MAP4: variants seen among roughly 807,000 people sequenced by gnomAD.
The protein encoded by MAP4 is microtubule-associated protein 4.
In MAP4, 76 loss-of-function variants were observed where a neutral mutation model predicts 170.2. The ratio of observed to expected loss-of-function variants is 0.45; its 90% CI spans 0.37 to 0.54. The LOEUF (loss-of-function observed/expected upper bound fraction) is 0.54, where lower values mean the gene tolerates loss of function less well. Among genes scored for constraint, MAP4 ranks in the 20% least tolerant of loss-of-function variants. MAP4 has a pLI of 0.00. For synonymous variants in MAP4, 909 were observed against 994.5 expected (o/e 0.91, Z 1.62); for missense variants, 2,506 against 2,748.0 (o/e 0.91, Z 1.97).
chr3:48,018,935 C>T (rs979042572), upstream of MAP4, among the ~76,000 whole-genome samples: 126 of 152,180 alleles, frequency 8.3e-4, no homozygotes, highest in Non-Finnish European at 2.5e-4. Context: ...AACCAGCTCT[C>T]CATGCTGGTC....
At chr3:47,947,261 G>A (rs374347710) in intron 3 of MAP4, among the ~76,000 whole-genome samples, 1 of 152,084 alleles carries the variant, frequency 6.6e-6, no homozygotes, top group East Asian at 1.9e-4. Context: ...CTGCCAGCAG[G>A]GTCAGTGGGT....
At chr3:48,030,440 A>AGT (rs2100115424) in intron 1 of MAP4, among the ~76,000 whole-genome samples, 1 of 151,302 alleles carries the variant, frequency 6.6e-6, no homozygotes, top group Non-Finnish European at 1.5e-5. Flanking sequence ...ATGAGCCTGA[A>AGT]GTACCTTGTA....
intron 1 of MAP4, among the ~76,000 whole-genome samples, chr3:47,999,244 GTTACA>G (rs1175672926): frequency 6.6e-6 from 1 of 152,122 alleles, no homozygotes; most frequent in African/African-American, 2.4e-5. Context: ...TCTTTACATA[GTTACA>G]TTACTATCGG....
chr3:47,917,923 C>T (rs529126633), intron 6 of MAP4, among the ~76,000 whole-genome samples: 3 of 152,246 alleles, frequency 2.0e-5, no homozygotes, highest in South Asian at 2.1e-4. Context: ...TCTCGGCTCC[C>T]GGGTTCAAGC....
Position 47,912,148 on chromosome 3 carries a change from G to A in MAP4, c.2273C>T (p.Ala758Val). The A allele has an allele frequency of 1.3e-6, 2 of 1,536,050 alleles. No individual in the cohort carries two copies. The highest frequency in any genetic ancestry group is 1.7e-6 in the Non-Finnish European group (2 of 1,146,894). The change falls in exon 9 of 21, where the codon GCC (alanine) becomes GTC (valine). Residue 758 changes from alanine (A) to valine (V), a missense_variant. By Grantham distance (64) the Ala-to-Val change is moderately conservative (BLOSUM62 0). Around this residue, in one of 3 missense-constraint regions of MAP4, gnomAD observed 2,008 missense variants for 2,206.0 expected, o/e 0.91. Coordinates refer to ENST00000683076, the MANE Select transcript of MAP4 (RefSeq NM_001385682.1). ...TATTGGTGTGCTTTCTATATCCCAG[G>A]CCTCCCTGCCAAGATCCCTCTGGGG... ...LEPQRDLGRE[A>V]WDIESTPIMM...
rs569720152 is a variant in MAP4 at position 47,871,816 on chromosome 3, T to C, written c.5941+101A>G. Reference sequence around the variant, plus strand: ...CTAAGGACCGGTGCGTAAGCAGGCCTGCACAGCTGTTTGTGATACTAGCTA... The same window carrying C: ...CTAAGGACCGGTGCGTAAGCAGGCCCGCACAGCTGTTTGTGATACTAGCTA... On this transcript the variant is annotated intron_variant, in intron 13 of 20. Transcript: ENST00000683076. 113 of 1,186,602 alleles carry C rather than the reference T, an allele frequency of 9.5e-5. 1 individual carries two copies. The African/African-American group carries it at 1.5e-3, about 15-fold the overall frequency. 73.5% of individuals were successfully genotyped at this position (1,186,602 alleles called of 1,614,324 possible).
At chr3:47,915,186 G>A (rs1389623659) in intron 7 of MAP4, among the ~76,000 whole-genome samples, 7 of 150,380 alleles carry the variant, frequency 4.7e-5, no homozygotes, top group Admixed American at 2.0e-4. Context: ...GTGCGATCTC[G>A]GCTCACCACA....
intron 4 of MAP4, among the ~76,000 whole-genome samples, chr3:47,925,216 C>T (rs2100045133): frequency 6.6e-6 from 1 of 152,188 alleles, no homozygotes; most frequent in African/African-American, 2.4e-5. Context: ...TGGGAGGTGA[C>T]TACACAAGGG....
chr3:47,939,544 C>T (rs2100055001), intron 3 of MAP4, among the ~76,000 whole-genome samples: 1 of 151,794 alleles, frequency 6.6e-6, no homozygotes, highest in African/African-American at 2.4e-5. Flanking sequence ...AAGTGATTTG[C>T]ATTTATTATA....
intron 1 of MAP4, among the ~76,000 whole-genome samples, chr3:48,051,934 T>C (rs954393643): frequency 1.3e-5 from 2 of 152,232 alleles, no homozygotes; most frequent in African/African-American, 2.4e-5. Flanking sequence ...TTAGTCTAAC[T>C]CTCTTCCAGA....
At chr3:47,857,537 C>A (rs747605241) in intron 17 of MAP4, 25 bp from the exon 18 acceptor site, 2 of 1,534,058 alleles carry the variant, frequency 1.3e-6, no homozygotes, top group Non-Finnish European at 1.8e-6. Flanking sequence ...ACAAAAGACT[C>A]ATTCAGAGAG....
chr3:48,076,518 AG>A (rs1456479190), intron 1 of MAP4, among the ~76,000 whole-genome samples: 3 of 149,640 alleles, frequency 2.0e-5, no homozygotes, highest in Admixed American at 6.7e-5. Flanking sequence ...AAAAAAAAAA[AG>A]GTTACCAAAA....
chr3:47,985,896 G>A (rs192047744), intron 2 of MAP4, among the ~76,000 whole-genome samples: 79 of 152,328 alleles, frequency 5.2e-4, no homozygotes, highest in African/African-American at 1.8e-3. Flanking sequence ...TATCTCATCA[G>A]CATTTAACTT....
At chr3:47,887,166 G>A (rs893834505) in intron 10 of MAP4, among the ~76,000 whole-genome samples, 2 of 152,252 alleles carry the variant, frequency 1.3e-5, no homozygotes, top group Admixed American at 6.5e-5. Flanking sequence ...GGCTGGCCAA[G>A]GCCAGAGCCA....
chr3:47,862,726 C>T lies in MAP4; in HGVS notation c.6501+4520G>A, dbSNP rs532967552. Among the ~76,000 whole-genome samples, 4 of 152,260 alleles carry T rather than the reference C, an allele frequency of 2.6e-5. No individual in the cohort carries two copies. The South Asian group carries it at 8.3e-4, about 32-fold the overall frequency. On this transcript the variant is annotated intron_variant, in intron 17 of 20. Transcript: ENST00000683076. The stretch of plus-strand genomic sequence containing the variant: ...TCTCCTGACCTCATGATCCGCCTGC[C>T]TCAGCCTCCCAAATTGCTGGGATTA...
chr3:47,859,120 C>A (rs1034395002), intron 17 of MAP4, among the ~76,000 whole-genome samples: 1 of 151,904 alleles, frequency 6.6e-6, no homozygotes, highest in Non-Finnish European at 1.5e-5. Context: ...CAGAAAGAGA[C>A]TCCGCCTCAA....
chr3:47,984,466 C>T (rs1578782524), intron 2 of MAP4, among the ~76,000 whole-genome samples: 1 of 152,136 alleles, frequency 6.6e-6, no homozygotes, highest in East Asian at 1.9e-4. Flanking sequence ...GGATTAGATA[C>T]AGGATACATA....
At chr3:48,081,825 T>C (rs1347942690) in intron 1 of MAP4, among the ~76,000 whole-genome samples, 2 of 152,122 alleles carry the variant, frequency 1.3e-5, no homozygotes, top group Non-Finnish European at 2.9e-5. Context: ...AACCAGATAG[T>C]GGTTTCCAAA....
intron 3 of MAP4, among the ~76,000 whole-genome samples, chr3:47,959,318 C>A (rs973325490): frequency 6.6e-6 from 1 of 151,870 alleles, no homozygotes; most frequent in Admixed American, 6.6e-5. Flanking sequence ...ATCAGCCGAG[C>A]GTGGTAGCAC....
Sources: gnomAD v4.1 joint callset for allele counts (sites outside exome capture counted in the v4.1 genomes callset) on GRCh38, gnomAD v4.1.1 for gene constraint, gnomAD v4.1.1 regional missense constraint, MANE v1.5 for transcripts, NCBI Gene and HGNC (gene_info 2026-07-23, HGNC 2026-07-21) for gene names.